Variants in TMEM38B observed in about 807,000 individuals in gnomAD.
TMEM38B encodes trimeric intracellular cation channel type B.
A neutral mutation model predicts 28.7 loss-of-function variants in TMEM38B; 24 were observed. That is an observed-to-expected ratio of 0.84 (90% CI 0.61 to 1.18). The LOEUF is 1.18. Ranked by LOEUF, TMEM38B falls within the 50% of genes most tolerant of loss-of-function variation. TMEM38B has a pLI of 0.00. For missense variants in TMEM38B, 380 were observed against 350.9 expected (o/e 1.08, Z -0.66); for synonymous variants, 131 against 127.7 (o/e 1.03, Z -0.17).
intron 5 of TMEM38B, among the ~76,000 whole-genome samples, chr9:105,770,931 A>G (rs760663408): frequency 2.6e-5 from 4 of 152,188 alleles, no homozygotes; most frequent in Non-Finnish European, 4.4e-5. Flanking sequence ...GTGTATTCTC[A>G]GTGCTAGGCA....
At chr9:105,734,777 A>C (rs1001948974) in intron 4 of TMEM38B, among the ~76,000 whole-genome samples, 1 of 151,570 alleles carries the variant, frequency 6.6e-6, no homozygotes, top group African/African-American at 2.4e-5. Context: ...TACCATTTGC[A>C]TGGAATATGT....
At chr9:105,703,821 T>G (rs1189245343) in intron 1 of TMEM38B, among the ~76,000 whole-genome samples, 2 of 152,198 alleles carry the variant, frequency 1.3e-5, no homozygotes, top group Admixed American at 1.3e-4. Context: ...TTTTTTCATG[T>G]GTTTTTTGGC....
At chr9:105,767,600 T>G (rs1029579599) in intron 5 of TMEM38B, among the ~76,000 whole-genome samples, 28 of 152,232 alleles carry the variant, frequency 1.8e-4, no homozygotes, top group African/African-American at 6.8e-4. Context: ...TATTTAGGCC[T>G]TTAAATTTTT....
chr9:105,773,465 C>T lies in TMEM38B; in HGVS notation c.661-400C>T, dbSNP rs1295076975. On this transcript the variant is annotated intron_variant, in intron 5 of 5. Coordinates refer to ENST00000374692, the MANE Select transcript of TMEM38B (RefSeq NM_018112.3). ...TTAACCTCTCAGAGCCTTGGTTCCACATCTCAATGATGAGGGTAATAATAG... is the reference window on the plus strand; with the variant it reads ...TTAACCTCTCAGAGCCTTGGTTCCATATCTCAATGATGAGGGTAATAATAG... Among the ~76,000 whole-genome samples the T allele has an allele frequency of 2.6e-5, 4 of 152,146 alleles. No homozygotes were observed. The East Asian group carries it at 7.7e-4, about 29-fold the overall frequency.
intron 4 of TMEM38B, among the ~76,000 whole-genome samples, chr9:105,730,082 C>A (rs929677398): frequency 6.6e-6 from 1 of 152,022 alleles, no homozygotes; most frequent in African/African-American, 2.4e-5. Context: ...TTTCTCTTTC[C>A]TTTTTGCCCT....
chr9:105,731,737 T>C (rs541927315), intron 4 of TMEM38B, among the ~76,000 whole-genome samples: 7 of 152,338 alleles, frequency 4.6e-5, no homozygotes, highest in African/African-American at 1.4e-4. Flanking sequence ...TCCAAGTCTT[T>C]GCTATTGTGA....
At chr9:105,697,630 C>T (rs1318822789) in intron 1 of TMEM38B, among the ~76,000 whole-genome samples, 1 of 151,956 alleles carries the variant, frequency 6.6e-6, no homozygotes, top group Admixed American at 6.6e-5. Flanking sequence ...TATTTACTGT[C>T]TTTGTGGATC....
chr9:105,733,926 T>G lies in TMEM38B; in HGVS notation c.542+11305T>G, dbSNP rs1035859613. ...AAAAAACCAACTCAGTTTGATTGAT[T>G]TTTTTCCCCTATGTTTTTTCTATTT... On this transcript the variant is annotated intron_variant, in intron 4 of 5. Coordinates refer to ENST00000374692, the MANE Select transcript of TMEM38B (RefSeq NM_018112.3). Among the ~76,000 whole-genome samples the G allele has an allele frequency of 4.3e-4, 65 of 152,096 alleles. 1 individual carries two copies. The highest frequency in any genetic ancestry group is 1.4e-3 in the African/African-American group (57 of 41,448).
chr9:105,727,351 A>G (rs544110082), intron 4 of TMEM38B, among the ~76,000 whole-genome samples: 15 of 152,240 alleles, frequency 9.9e-5, no homozygotes, highest in South Asian at 8.3e-4. Flanking sequence ...CATTCAGCAT[A>G]ATGTCCTCTA....
chr9:105,722,633 T>G lies in TMEM38B; in HGVS notation c.542+12T>G, dbSNP rs1370237901. On this transcript the variant is annotated intron_variant, in intron 4 of 5. Transcript: ENST00000374692. Reference sequence around the variant, plus strand: ...CTGAAGATGTCATAGTAAGTTGGTATAAATTATACTGAGACCTAGATGTTT... The same window carrying G: ...CTGAAGATGTCATAGTAAGTTGGTAGAAATTATACTGAGACCTAGATGTTT... 6 of 1,598,588 alleles carry G rather than the reference T, an allele frequency of 3.8e-6. No individual in the cohort carries two copies. The highest frequency in any genetic ancestry group is 8.6e-7 in the Non-Finnish European group (1 of 1,166,236).
intron 2 of TMEM38B, chr9:105,710,251 G>A (rs1319118517): frequency 2.6e-5 from 15 of 569,104 alleles, no homozygotes; most frequent in Non-Finnish European, 4.9e-5. Context: ...TTGAAGTCTA[G>A]TAAGCACAAC....
At chr9:105,701,026 G>A (rs1835446499) in intron 1 of TMEM38B, 1 of 151,920 alleles carries the variant, frequency 6.6e-6, no homozygotes, top group Admixed American at 6.6e-5. Context: ...GCTCTAAAGA[G>A]CTCCTCCACC....
chr9:105,751,426 C>T (rs1448534368), intron 5 of TMEM38B, among the ~76,000 whole-genome samples: 1 of 152,160 alleles, frequency 6.6e-6, no homozygotes, highest in Non-Finnish European at 1.5e-5. Context: ...GTCTTGGGTC[C>T]AATACACACA....
intron 5 of TMEM38B, chr9:105,760,769 T>C (rs1391052864): frequency 3.1e-6 from 3 of 962,460 alleles, no homozygotes; most frequent in Non-Finnish European, 4.7e-6. Context: ...AATTAAAAAT[T>C]ATGTAATACT....
chr9:105,720,678 T>G (rs1032835389), intron 2 of TMEM38B, among the ~76,000 whole-genome samples: 2 of 152,140 alleles, frequency 1.3e-5, no homozygotes, highest in Non-Finnish European at 2.9e-5. Flanking sequence ...GATTAATAGC[T>G]TCTTTTAAAA....
At chr9:105,704,921 C>T (rs1275079289) in intron 1 of TMEM38B, among the ~76,000 whole-genome samples, 1 of 149,182 alleles carries the variant, frequency 6.7e-6, no homozygotes, top group Non-Finnish European at 1.5e-5. Context: ...AAGACTCTAT[C>T]TCAAAGTAAA....
intron 2 of TMEM38B, among the ~76,000 whole-genome samples, chr9:105,719,948 C>T (rs970848290): frequency 6.6e-6 from 1 of 151,810 alleles, no homozygotes; most frequent in Non-Finnish European, 1.5e-5. Flanking sequence ...ATACTTTTCC[C>T]CCATTACCTA....
chr9:105,699,870 C>T (rs1835408482), intron 1 of TMEM38B, among the ~76,000 whole-genome samples: 1 of 152,044 alleles, frequency 6.6e-6, no homozygotes, highest in Non-Finnish European at 1.5e-5. Context: ...TCTCTGTCTC[C>T]TGGGCATTTT....
In TMEM38B at chr9:105,703,321, C is replaced by A. The variant is rs868330389; in HGVS notation, c.113-2276C>A. Among the ~76,000 whole-genome samples, 3 of 152,280 alleles carry A rather than the reference C, an allele frequency of 2.0e-5. No homozygotes were observed. The South Asian group carries it at 6.2e-4, about 32-fold the overall frequency. Reference sequence around the variant, plus strand: ...CCAACATGGTGGAACTCTGTCTCTACTAAAAATACAAAAATTATTTCCAAT... The same window carrying A: ...CCAACATGGTGGAACTCTGTCTCTAATAAAAATACAAAAATTATTTCCAAT... On this transcript the variant is annotated intron_variant, in intron 1 of 5. Transcript: ENST00000374692.
Sources: gnomAD v4.1 joint callset for allele counts (sites outside exome capture counted in the v4.1 genomes callset) on GRCh38, gnomAD v4.1.1 for gene constraint, MANE v1.5 for transcripts, NCBI Gene and HGNC (gene_info 2026-07-23, HGNC 2026-07-21) for gene names.